NFASC: variants seen among roughly 807,000 people sequenced by gnomAD.
NFASC encodes the protein neurofascin homolog.
In NFASC, 43 loss-of-function variants were observed where a neutral mutation model predicts 147.5. The observed-to-expected ratio is 0.29, with a 90% CI of 0.23 to 0.38. The LOEUF is 0.38. Ranked by LOEUF, NFASC falls within the 10% of genes least tolerant of loss-of-function variation. The pLI, the probability that NFASC is intolerant of heterozygous loss-of-function variation, is 1.00. For missense variants in NFASC, 1,320 were observed against 1,689.0 expected (o/e 0.78, Z 3.83); for synonymous variants, 622 against 665.5 (o/e 0.93, Z 1.01).
rs1558548167 is a variant in NFASC, at chr1:204,877,020, ATATATAT to A, written c.-199-43611_-199-43605del. 1.1e-4 allele frequency among the ~76,000 whole-genome samples: 12 copies of A among 108,386 alleles called. 2 individuals carry two copies. Among genetic ancestry groups the A allele is most frequent in the African/African-American group, 4.2e-4 (10 of 23,740 alleles). The allele number at this position is 108,386 out of a possible 152,430, so 71.1% of individuals were successfully genotyped here. On this transcript the variant is annotated intron_variant, in intron 1 of 29. Transcript: ENST00000339876. Reference sequence around the variant, plus strand: ...TGTATATATATATATATATATATATATATATATAATATATATTTATATATATATAATA... The same window carrying A: ...TGTATATATATATATATATATATATAAATATATATTTATATATATATAATA...
intron 1 of NFASC, among the ~76,000 whole-genome samples, chr1:204,857,420 G>A (rs972387194): frequency 2.6e-5 from 4 of 152,196 alleles, no homozygotes; most frequent in Admixed American, 2.0e-4. Flanking sequence ...GATGGTCATC[G>A]GAGCAGAATA....
At chr1:204,838,531 G>A (rs915658673) in intron 1 of NFASC, among the ~76,000 whole-genome samples, 9 of 152,216 alleles carry the variant, frequency 5.9e-5, no homozygotes, top group Non-Finnish European at 1.2e-4. Context: ...TTCAAAAGCC[G>A]AGGGAAGGCT....
chr1:204,997,350 C>T lies in NFASC; in HGVS notation c.2963C>T (p.Thr988Ile), dbSNP rs1298067503. Reference protein sequence around the residue: ...ATTTTTTAAATTTTESPPTTT... With the variant: ...ATTTTTTAAAITTTESPPTTT... ...ACTACTACAACCACTGCTGCCGCCA[C>T]CACCACCACGGAGAGTCCTCCCACC... is the stretch of plus-strand genomic sequence containing the variant. The change falls in exon 25 of 30, where the codon ACC becomes ATC. Residue 988 changes from threonine (T) to isoleucine (I), a missense_variant. By Grantham distance (89) the Thr-to-Ile change is moderately conservative. Transcript: ENST00000339876. 3 of 1,559,106 alleles carry T rather than the reference C, an allele frequency of 1.9e-6. No individual in the cohort carries two copies. Among genetic ancestry groups the T allele is most frequent in the Non-Finnish European group, 1.7e-6 (2 of 1,151,406 alleles).
chr1:204,912,739 C>G (rs1417652170), intron 1 of NFASC, among the ~76,000 whole-genome samples: 1 of 151,746 alleles, frequency 6.6e-6, no homozygotes, highest in African/African-American at 2.4e-5. Flanking sequence ...AAATTGTGGT[C>G]TAGGCACAAA....
At chr1:204,861,072 G>T (rs926144519) in intron 1 of NFASC, among the ~76,000 whole-genome samples, 2 of 106,352 alleles carry the variant, frequency 1.9e-5, no homozygotes, top group African/African-American at 3.9e-5. Context: ...TTGAATACTT[G>T]CTTTCCTTTT....
chr1:204,954,841 G>A lies in NFASC; in HGVS notation c.425G>A (p.Trp142Ter). The A allele has an allele frequency of 6.2e-7, 1 of 1,614,122 alleles. No individual in the cohort carries two copies. The highest frequency in any genetic ancestry group is 8.5e-7 in the Non-Finnish European group (1 of 1,180,008). ...IRLQVSKSPLWPKENLDPVVV... is the reference protein window; with the variant it reads ...IRLQVSKSPL Reference sequence around the variant, plus strand: ...CACTTCTCTCCAGAATCTCCTCTGTGGCCCAAGGAAAACCTAGACCCTGTC... The same window carrying A: ...CACTTCTCTCCAGAATCTCCTCTGTAGCCCAAGGAAAACCTAGACCCTGTC... Residue 142 changes from tryptophan (W) to a stop codon, truncating the protein, a stop_gained, in exon 7 of 30, where the codon TGG (tryptophan) becomes TAG (stop). Coordinates refer to ENST00000339876, the MANE Select transcript of NFASC (RefSeq NM_001005388.3). LOFTEE classifies it high-confidence loss of function. The surrounding 1 kb of genome is among the most constrained non-coding windows in gnomAD (Gnocchi z 5.7).
chr1:204,878,522 C>T (rs2079486358), intron 1 of NFASC, among the ~76,000 whole-genome samples: 1 of 152,132 alleles, frequency 6.6e-6, no homozygotes, highest in Admixed American at 6.5e-5. Flanking sequence ...GGAAAGAAAA[C>T]CCCTTGGGCT....
At chr1:204,860,970 T>G (rs1004095447) in intron 1 of NFASC, among the ~76,000 whole-genome samples, 1 of 149,902 alleles carries the variant, frequency 6.7e-6, no homozygotes, top group African/African-American at 2.5e-5. Context: ...ATTTCTCCAT[T>G]CATCCATTGA....
chr1:204,912,214 G>A (rs77213994), intron 1 of NFASC, among the ~76,000 whole-genome samples: 4,916 of 151,486 alleles, frequency 0.032, 262 homozygotes, highest in African/African-American at 0.11. Context: ...CTAGTTCCTC[G>A]AGGTGGGACC....
intron 1 of NFASC, among the ~76,000 whole-genome samples, chr1:204,915,173 G>C (rs570492699): frequency 6.6e-6 from 1 of 152,094 alleles, no homozygotes. Context: ...CCAGCTACTC[G>C]GGAGGCTGAG....
chr1:204,934,069 C>T (rs116737013), intron 2 of NFASC, among the ~76,000 whole-genome samples: 9,669 of 145,316 alleles, frequency 0.067, 480 homozygotes, highest in South Asian at 0.12. Flanking sequence ...ACCCAAGAGG[C>T]GGAGGTTGCA....
At chr1:204,885,577 A>G (rs1278599273) in intron 1 of NFASC, among the ~76,000 whole-genome samples, 3 of 152,212 alleles carry the variant, frequency 2.0e-5, no homozygotes, top group African/African-American at 7.2e-5. Context: ...AGTACATTCA[A>G]AAGAGTCTTT....
intron 11 of NFASC, among the ~76,000 whole-genome samples, chr1:204,971,844 C>T (rs12036722): frequency 0.22 from 34,163 of 152,096 alleles, 4,495 homozygotes; most frequent in Middle Eastern, 0.37. Flanking sequence ...CAGTTCTCTC[C>T]GTCTTAATAG....
At chr1:204,855,970 A>G (rs1415578511) in intron 1 of NFASC, among the ~76,000 whole-genome samples, 1 of 152,168 alleles carries the variant, frequency 6.6e-6, no homozygotes, top group Non-Finnish European at 1.5e-5. Flanking sequence ...AACTCTTACA[A>G]TGACCCTATG....
At chr1:204,997,543 T>C (rs530957417) in intron 25 of NFASC, 137 bp downstream of exon 25, 9 of 1,008,598 alleles carry the variant, frequency 8.9e-6, no homozygotes, top group Non-Finnish European at 1.2e-5. Flanking sequence ...GTGTTTCCTT[T>C]GGAAACTCAC....
intron 28 of NFASC, chr1:205,009,983 T>C (rs2096221347): frequency 2.6e-6 from 1 of 385,948 alleles, no homozygotes; most frequent in East Asian, 4.7e-5. Context: ...ACCACCCATC[T>C]GTTCTATAAA....
intron 1 of NFASC, among the ~76,000 whole-genome samples, chr1:204,852,786 G>A (rs2075810573): frequency 1.3e-5 from 2 of 152,246 alleles, no homozygotes; most frequent in Admixed American, 6.5e-5. Context: ...TACTGCTGTG[G>A]CACCATGGAG....
At chr1:204,861,013 G>C (rs552385768) in intron 1 of NFASC, among the ~76,000 whole-genome samples, 1 of 146,150 alleles carries the variant, frequency 6.8e-6, no homozygotes, top group Non-Finnish European at 1.5e-5. Flanking sequence ...CTACCTTTGA[G>C]CTATTGTGAA....
At chr1:204,887,134 C>G (rs984780145) in intron 1 of NFASC, among the ~76,000 whole-genome samples, 16 of 152,162 alleles carry the variant, frequency 1.1e-4, no homozygotes, top group Non-Finnish European at 1.8e-4. Flanking sequence ...AAACTCTACT[C>G]ATTAAACAAT....
Sources: gnomAD v4.1 joint callset for allele counts (sites outside exome capture counted in the v4.1 genomes callset) on GRCh38, gnomAD v4.1.1 for gene constraint, Gnocchi (gnomAD v3.1) non-coding constraint, MANE v1.5 for transcripts, NCBI Gene and HGNC (gene_info 2026-07-23, HGNC 2026-07-21) for gene names.